UBE2R2: variants seen among roughly 807,000 people sequenced by gnomAD.
The protein encoded by UBE2R2 is ubiquitin conjugating enzyme E2 R2.
UBE2R2 carries 1 observed loss-of-function variant against 27.8 expected under a neutral mutation model. That is an observed-to-expected ratio of 0.04 (90% CI 0.01 to 0.17). The LOEUF (loss-of-function observed/expected upper bound fraction) is 0.17, where lower values mean the gene tolerates loss of function less well. Among genes scored for constraint, UBE2R2 ranks in the 10% least tolerant of loss-of-function variants. The pLI is 1.00. For missense variants in UBE2R2, 100 were observed against 291.0 expected (o/e 0.34, Z 4.78); for synonymous variants, 106 against 113.3 (o/e 0.94, Z 0.41).
At chr9:33,855,810 C>G (rs1432094712) in intron 1 of UBE2R2, among the ~76,000 whole-genome samples, 1 of 152,180 alleles carries the variant, frequency 6.6e-6, no homozygotes, top group Non-Finnish European at 1.5e-5. Flanking sequence ...AGGCAAGGTG[C>G]CTCATGCCTG....
At chr9:33,877,819 G>GTCTCTCTC (rs1435783363) in intron 1 of UBE2R2, among the ~76,000 whole-genome samples, 6 of 92,966 alleles carry the variant, frequency 6.5e-5, no homozygotes, top group Non-Finnish European at 1.3e-4. Context: ...CTGTCTGTCT[G>GTCTCTCTC]TCTGTCTCTC....
chr9:33,902,105 G>A (rs1029428059), intron 3 of UBE2R2, among the ~76,000 whole-genome samples: 5 of 151,940 alleles, frequency 3.3e-5, no homozygotes, highest in African/African-American at 9.6e-5. Flanking sequence ...TTTGTAGAGA[G>A]ATGGGGTTTT....
chr9:33,904,707 T>C (rs546838251), intron 3 of UBE2R2, among the ~76,000 whole-genome samples: 22 of 152,316 alleles, frequency 1.4e-4, no homozygotes, highest in African/African-American at 5.1e-4. Flanking sequence ...TGGTGTTCAC[T>C]AAAGGCTCGG....
upstream of UBE2R2, among the ~76,000 whole-genome samples, chr9:33,815,706 TG>T (rs1162505643): frequency 4.6e-5 from 7 of 152,212 alleles, no homozygotes; most frequent in Non-Finnish European, 1.0e-4. Flanking sequence ...ATCACTCTAC[TG>T]TACTCCAGCC....
intron 1 of UBE2R2, among the ~76,000 whole-genome samples, chr9:33,884,406 C>T (rs1587468151): frequency 6.6e-6 from 1 of 151,200 alleles, no homozygotes; most frequent in South Asian, 2.1e-4. Flanking sequence ...ACCTCAGCCT[C>T]CTATGTAGCT....
chr9:33,818,072 A>C (rs1316732560), intron 1 of UBE2R2, 138 bp downstream of exon 1: 11 of 982,950 alleles, frequency 1.1e-5, no homozygotes, highest in Non-Finnish European at 1.5e-5. Context: ...CCCCTCCCCC[A>C]TCCCTGGAGG....
chr9:33,833,481 A>G (rs930089910), intron 1 of UBE2R2, among the ~76,000 whole-genome samples: 3 of 152,346 alleles, frequency 2.0e-5, no homozygotes, highest in East Asian at 3.9e-4. Flanking sequence ...GACATGAACC[A>G]CTGTGCCCGG....
At chr9:33,897,268 C>T (rs980582335) in intron 2 of UBE2R2, among the ~76,000 whole-genome samples, 5 of 150,034 alleles carry the variant, frequency 3.3e-5, no homozygotes, top group African/African-American at 1.2e-4. Flanking sequence ...AATCTCCTGA[C>T]CTCGTGATCC....
chr9:33,853,505 G>C lies in UBE2R2; in HGVS notation c.178-33376G>C, dbSNP rs932297165. Among the ~76,000 whole-genome samples, 3 of 151,798 alleles carry C rather than the reference G, an allele frequency of 2.0e-5. 1 individual carries two copies. The South Asian group carries it at 6.2e-4, about 32-fold the overall frequency. On this transcript the variant is annotated intron_variant, in intron 1 of 4. Coordinates refer to ENST00000263228, the MANE Select transcript of UBE2R2 (RefSeq NM_017811.4). ...TCTCCTTGTTGGTCAGGCTGGTCTCGAACTCCCAGCCTCAGGTGATCCGCC... is the reference window on the plus strand; with the variant it reads ...TCTCCTTGTTGGTCAGGCTGGTCTCCAACTCCCAGCCTCAGGTGATCCGCC...
chr9:33,905,191 AAAAT>A lies in UBE2R2; in HGVS notation c.362+4924_362+4927del, dbSNP rs1257066886. ...CATAATGTTTTCTTTTTCAATTTCAAAAATAAAGCGTGAAACCAAATTTATTAAC... is the reference window on the plus strand; with the variant it reads ...CATAATGTTTTCTTTTTCAATTTCAAAAAGCGTGAAACCAAATTTATTAAC... On this transcript the variant is annotated intron_variant, in intron 3 of 4. Transcript: ENST00000263228. Among the ~76,000 whole-genome samples the A allele has an allele frequency of 2.0e-5, 3 of 152,326 alleles. No individual in the cohort carries two copies. The East Asian group carries it at 5.8e-4, about 29-fold the overall frequency.
At chr9:33,882,945 C>T (rs978205812) in intron 1 of UBE2R2, among the ~76,000 whole-genome samples, 1 of 151,964 alleles carries the variant, frequency 6.6e-6, no homozygotes. Flanking sequence ...AAAAATTAGC[C>T]AGGAGTGGTG....
intron 3 of UBE2R2, among the ~76,000 whole-genome samples, chr9:33,910,141 T>TTTTATTTA (rs886879089): frequency 9.9e-5 from 15 of 152,176 alleles, no homozygotes; most frequent in Non-Finnish European, 2.1e-4. Context: ...CCTATTACGC[T>TTTTATTTA]TTTATTTATT....
chr9:33,867,763 T>A (rs1821396154), intron 1 of UBE2R2, among the ~76,000 whole-genome samples: 1 of 152,204 alleles, frequency 6.6e-6, no homozygotes, highest in African/African-American at 2.4e-5. Context: ...GCCTCCTGAA[T>A]CCAAAATTAG....
intron 1 of UBE2R2, among the ~76,000 whole-genome samples, chr9:33,841,170 C>T (rs996570442): frequency 2.6e-5 from 4 of 152,026 alleles, no homozygotes; most frequent in African/African-American, 9.7e-5. Flanking sequence ...GCAACCTCTG[C>T]CTCCCGGGTT....
intron 1 of UBE2R2, among the ~76,000 whole-genome samples, chr9:33,878,886 C>A (rs563415784): frequency 6.6e-6 from 1 of 152,050 alleles, no homozygotes; most frequent in Non-Finnish European, 1.5e-5. Flanking sequence ...GTGTCCTGGA[C>A]GATGAAGAAA....
At chr9:33,853,313 G>A (rs1204743621) in intron 1 of UBE2R2, among the ~76,000 whole-genome samples, 1 of 113,908 alleles carries the variant, frequency 8.8e-6, no homozygotes, top group African/African-American at 3.5e-5. Context: ...TTTTGAGATG[G>A]AGTTTTGCTC....
At chr9:33,910,924 G>A (rs1401344220) in intron 3 of UBE2R2, among the ~76,000 whole-genome samples, 2 of 152,116 alleles carry the variant, frequency 1.3e-5, no homozygotes, top group Non-Finnish European at 2.9e-5. Context: ...CCAACATGGC[G>A]AAACCCTGTC....
chr9:33,899,552 T>A (rs1390389797), intron 2 of UBE2R2, among the ~76,000 whole-genome samples: 1 of 152,190 alleles, frequency 6.6e-6, no homozygotes, highest in Non-Finnish European at 1.5e-5. Flanking sequence ...TTTTTGTATT[T>A]TTAGTAGAGA....
intron 4 of UBE2R2, among the ~76,000 whole-genome samples, chr9:33,915,357 A>AAAAT: frequency 1.3e-5 from 2 of 152,322 alleles, no homozygotes; most frequent in South Asian, 2.1e-4. Context: ...ACCTCTGCAT[A>AAAAT]TGGAACATTA....
Sources: allele counts gnomAD v4.1 joint callset (sites outside exome capture counted in the v4.1 genomes callset), GRCh38; gene constraint gnomAD v4.1.1; transcripts MANE v1.5; gene names NCBI Gene and HGNC (gene_info 2026-07-23, HGNC 2026-07-21).